Variants in LPA observed in about 807,000 individuals in gnomAD.
LPA encodes apolipoprotein(a).
LPA carries 199 observed loss-of-function variants against 197.9 expected under a neutral mutation model. The observed-to-expected ratio is 1.01, with a 90% CI of 0.90 to 1.13. LPA has a LOEUF of 1.13. Ranked by LOEUF, LPA falls within the 50% of genes most tolerant of loss-of-function variation. The probability of loss-of-function intolerance (pLI) is 0.00; values close to 1 mark genes in which losing one functional copy is unlikely to be tolerated. For synonymous variants in LPA, 715 were observed against 639.5 expected (o/e 1.12, Z -1.78); for missense variants, 1,853 against 1,785.8 (o/e 1.04, Z -0.68).
At chr6:160,647,924 A>G (rs1445586261) in intron 2 of LPA, among the ~76,000 whole-genome samples, 1 of 152,228 alleles carries the variant, frequency 6.6e-6, no homozygotes, top group Non-Finnish European at 1.5e-5. Context: ...TTCATTATAT[A>G]GGCTGCAGAA....
At chr6:160,559,564 A>T (rs1221582822) in intron 28 of LPA, among the ~76,000 whole-genome samples, 1 of 152,238 alleles carries the variant, frequency 6.6e-6, no homozygotes, top group Non-Finnish European at 1.5e-5. Flanking sequence ...ATAGAGGCAT[A>T]TTGATGGAAC....
chr6:160,610,397 G>A (rs1282189135), intron 16 of LPA, among the ~76,000 whole-genome samples: 1 of 152,124 alleles, frequency 6.6e-6, no homozygotes, highest in Non-Finnish European at 1.5e-5. Context: ...AATTATGGCT[G>A]TTCTGGGGTC....
chr6:160,566,562 G>A lies in LPA; in HGVS notation c.4632-8991C>T, dbSNP rs564146596. On this transcript the variant is annotated intron_variant, in intron 28 of 38. Transcript: ENST00000316300. ...ATGCCAAATTGTAAAAACCATCGAT[G>A]CTAGGAAGAAACTGCATCAACTAAT... 3.3e-5 allele frequency among the ~76,000 whole-genome samples: 5 copies of A among 152,218 alleles called. No homozygotes were observed. In the East Asian group the frequency reaches 9.6e-4, roughly 29 times the overall value.
chr6:160,611,222 A>G (rs1208665240), intron 16 of LPA, among the ~76,000 whole-genome samples: 1 of 152,174 alleles, frequency 6.6e-6, no homozygotes, highest in Admixed American at 6.5e-5. Flanking sequence ...TGGAAGTCAG[A>G]ATAACGGAAT....
chr6:160,595,520 G>A lies in LPA; in HGVS notation c.3303C>T (p.Asn1101=), dbSNP rs1195044427. 6.2e-7 allele frequency: 1 copy of A among 1,614,000 alleles called. No homozygotes were observed. The highest frequency in any genetic ancestry group is 8.5e-7 in the Non-Finnish European group (1 of 1,179,938). ...TCTCAGCATCTGGATTCCTGCAGTA[G>A]TTCCTGGTCAGGCCACTGCAAATTT... ...ENYPNAGLTR[N]YCRNPDAEIR... Residue 1101 remains asparagine, a synonymous_variant, in exon 21 of 39, where the codon AAC becomes AAT. Coordinates refer to ENST00000316300, the MANE Select transcript of LPA (RefSeq NM_005577.4).
intron 28 of LPA, among the ~76,000 whole-genome samples, chr6:160,576,394 A>ATATATACACATATATATATATATATGTG (rs1778672838): frequency 3.7e-5 from 2 of 53,754 alleles, no homozygotes; most frequent in Non-Finnish European, 9.3e-5. Context: ...ATATATGTAT[A>ATATATACACATATATATATATATATGTG]TATATATATA....
chr6:160,582,159 T>G (rs74484308), intron 26 of LPA, among the ~76,000 whole-genome samples: 6,157 of 152,090 alleles, frequency 0.04, 400 homozygotes, highest in African/African-American at 0.14. Flanking sequence ...GCTTGCTGGG[T>G]TTTTTTCCTT....
chr6:160,654,048 ATAATATATTATATATATT>A lies in LPA; in HGVS notation c.50-3569_50-3552del, dbSNP rs1562354948. On this transcript the variant is annotated intron_variant, in intron 1 of 38. Transcript: ENST00000316300. ...ATATAATATATATTATATATAATAT[ATAATATATTATATATATT>A]ATATATAATATATATTATATATATT... 9.1e-4 allele frequency among the ~76,000 whole-genome samples: 10 copies of A among 10,958 alleles called. 1 individual carries two copies. The highest frequency in any genetic ancestry group is 4.7e-3 in the African/African-American group (9 of 1,906). 7.2% of individuals were successfully genotyped at this position (10,958 alleles called of 152,430 possible). A position where few individuals can be genotyped will look rare whatever the true frequency, so the allele number is the denominator to read the frequency against.
chr6:160,595,643 A>G, intron 20 of LPA, 108 bp from the exon 21 acceptor site: 1 of 1,518,388 alleles, frequency 6.6e-7, no homozygotes, highest in South Asian at 1.1e-5. Flanking sequence ...ACTTTGAAAT[A>G]TTTTCACTAA....
chr6:160,593,955 T>A lies in LPA; in HGVS notation c.3629+3A>T, dbSNP rs1048567316. On this transcript the variant is annotated splice_donor_region_variant and intron_variant, in intron 22 of 38. Transcript: ENST00000316300. ...TGTCTTTGAAGAAAACTCAAGGTTGTACCCATTTGGATAATATTCTGTTGT... is the reference window on the plus strand; with the variant it reads ...TGTCTTTGAAGAAAACTCAAGGTTGAACCCATTTGGATAATATTCTGTTGT... 1.2e-6 allele frequency: 2 copies of A among 1,613,618 alleles called. No homozygotes were observed. The highest frequency in any genetic ancestry group is 1.7e-6 in the Non-Finnish European group (2 of 1,179,742).
At chr6:160,555,713 G>T (rs1395665646) in intron 30 of LPA, among the ~76,000 whole-genome samples, 1 of 151,918 alleles carries the variant, frequency 6.6e-6, no homozygotes, top group Non-Finnish European at 1.5e-5. Flanking sequence ...GTGAAAGAGT[G>T]CATTGATCTT....
In LPA at chr6:160,606,632, T is replaced by C; in HGVS notation, c.2630A>G (p.Asn877Ser). 1 of 1,614,058 alleles carries C rather than the reference T, an allele frequency of 6.2e-7. No homozygotes were observed. Among genetic ancestry groups the C allele is most frequent in the Non-Finnish European group, 8.5e-7 (1 of 1,179,950 alleles). ...ATAAGGGGCTGCCACAGGATCTGGA[T>C]TCCTGCAGTAGTTCATGATCAAGCC... ...NAGLIMNYCR[N>S]PDPVAAPYCY... The change falls in exon 17 of 39, where the codon AAT (asparagine) becomes AGT (serine). Residue 877 changes from asparagine to serine, a missense_variant. Physicochemically the swap from Asn to Ser is conservative, Grantham distance 46. Around this residue, in one of 3 missense-constraint regions of LPA, gnomAD observed 1,737 missense variants for 1,504.4 expected, o/e 1.15. Transcript: ENST00000316300.
At chr6:160,570,495 G>A (rs1040878045) in intron 28 of LPA, among the ~76,000 whole-genome samples, 1 of 152,132 alleles carries the variant, frequency 6.6e-6, no homozygotes, top group Non-Finnish European at 1.5e-5. Flanking sequence ...TGGGATGGGG[G>A]GAGTGGGGAG....
Position 160,609,710 on chromosome 6 carries a change from G to T in LPA, c.2603+1852C>A, listed in dbSNP as rs534903382. ...GAAATCTTCTTATATTTTCCTGCATGTCTCTGAGGGTCGGTTAATTTTATA... is the reference window on the plus strand; with the variant it reads ...GAAATCTTCTTATATTTTCCTGCATTTCTCTGAGGGTCGGTTAATTTTATA... On this transcript the variant is annotated intron_variant, in intron 16 of 38. Transcript: ENST00000316300. Among the ~76,000 whole-genome samples the T allele has an allele frequency of 1.6e-4, 24 of 151,982 alleles. 1 individual carries two copies. The South Asian group carries it at 4.8e-3, about 30-fold the overall frequency.
rs529731235 is a variant in LPA at position 160,552,893 on chromosome 6, C to A, written c.4973+3132G>T. 7.2e-4 allele frequency among the ~76,000 whole-genome samples: 110 copies of A among 152,208 alleles called. 1 individual carries two copies. The highest frequency in any genetic ancestry group is 2.4e-3 in the African/African-American group (101 of 41,564). On this transcript the variant is annotated intron_variant, in intron 30 of 38. Transcript: ENST00000316300. The stretch of plus-strand genomic sequence containing the variant: ...TAATGCTATGTATTTTCTGTTTACA[C>A]CATATCTTTTATATTCTTTATTCCT...
chr6:160,605,631 G>T (rs1214015003), intron 17 of LPA, among the ~76,000 whole-genome samples: 1 of 152,090 alleles, frequency 6.6e-6, no homozygotes, highest in East Asian at 1.9e-4. Context: ...TGGGTGTTAG[G>T]GGCAGAGAAA....
chr6:160,537,371 T>C (rs1777910332), intron 37 of LPA, among the ~76,000 whole-genome samples: 1 of 146,870 alleles, frequency 6.8e-6, no homozygotes, highest in African/African-American at 2.7e-5. Context: ...ACATTAGACA[T>C]GTGGGTATTT....
chr6:160,605,666 G>A (rs1431396328), intron 17 of LPA, among the ~76,000 whole-genome samples: 1 of 152,152 alleles, frequency 6.6e-6, no homozygotes, highest in Non-Finnish European at 1.5e-5. Flanking sequence ...AACAATGAAC[G>A]TTTCATAACA....
chr6:160,657,213 G>A (rs1384649554), intron 1 of LPA, among the ~76,000 whole-genome samples: 3 of 152,184 alleles, frequency 2.0e-5, no homozygotes, highest in South Asian at 2.1e-4. Context: ...TCGGCCAAGG[G>A]TGTATCTTCT....
Sources: gnomAD v4.1 joint callset for allele counts (sites outside exome capture counted in the v4.1 genomes callset) on GRCh38, gnomAD v4.1.1 for gene constraint, gnomAD v4.1.1 regional missense constraint, MANE v1.5 for transcripts, NCBI Gene and HGNC (gene_info 2026-07-23, HGNC 2026-07-21) for gene names.